C20orf203: variants seen among roughly 807,000 people sequenced by gnomAD.
C20orf203 encodes the protein uncharacterized protein C20orf203.
Under a neutral mutation model 15.9 loss-of-function variants are expected in C20orf203, and 16 were observed. The ratio of observed to expected loss-of-function variants is 1.01; its 90% CI spans 0.68 to 1.53. C20orf203 has a LOEUF of 1.53. Ranked by LOEUF, C20orf203 falls within the 40% of genes most tolerant of loss-of-function variation. C20orf203 has a pLI of 0.00. For synonymous variants in C20orf203, 98 were observed against 97.2 expected (o/e 1.01, Z -0.05); for missense variants, 263 against 247.5 (o/e 1.06, Z -0.42).
rs557969901 is a variant in C20orf203 at position 32,633,701 on chromosome 20, C to T, written c.*1869G>A. 1.4e-5 allele frequency: 4 copies of T among 279,850 alleles called. No homozygotes were observed. Among genetic ancestry groups the T allele is most frequent in the South Asian group, 1.7e-4 (1 of 5,934 alleles). 17.3% of individuals were successfully genotyped at this position (279,850 alleles called of 1,614,324 possible). On this transcript the variant is annotated 3_prime_UTR_variant, in exon 6 of 6. Transcript: ENST00000608990. ...GACAGGGGCTCCAGAGCCCATGACA[C>T]GTTTCCCTCTTGTAGAAGGTCCTTG...
intron 4 of C20orf203, among the ~76,000 whole-genome samples, chr20:32,642,244 C>T (rs1257059882): frequency 6.6e-6 from 1 of 152,200 alleles, no homozygotes; most frequent in Non-Finnish European, 1.5e-5. Flanking sequence ...TGCACACACC[C>T]CCATGGCATA....
rs1982035890 is a variant in C20orf203, at chr20:32,632,792, T to C, written c.*2778A>G. 1 of 152,078 alleles carries C rather than the reference T, an allele frequency of 6.6e-6. No homozygotes were observed. Among genetic ancestry groups the C allele is most frequent in the South Asian group, 2.1e-4 (1 of 4,812 alleles). 9.4% of individuals were successfully genotyped at this position (152,078 alleles called of 1,614,324 possible). A position where few individuals can be genotyped will look rare whatever the true frequency, so the allele number is the denominator to read the frequency against. ...AGGCAGGTGGTCCCTGTGTTAGAGA[T>C]GAGGAAACCAGGGTGACGGGATTAG... is the stretch of plus-strand genomic sequence containing the variant. On this transcript the variant is annotated 3_prime_UTR_variant, in exon 6 of 6. Transcript: ENST00000608990.
intron 1 of C20orf203, among the ~76,000 whole-genome samples, chr20:32,664,053 G>C (rs80132268): frequency 6.6e-6 from 1 of 152,322 alleles, no homozygotes; most frequent in East Asian, 1.9e-4. Flanking sequence ...GCTAGGGAGA[G>C]CTGGCCTTTG....
At chr20:32,655,193 T>TGTCTTG (rs780415363) in intron 1 of C20orf203, among the ~76,000 whole-genome samples, 63 of 152,306 alleles carry the variant, frequency 4.1e-4, no homozygotes, top group Non-Finnish European at 7.1e-4. Context: ...TAAATCTTCA[T>TGTCTTG]GACCTTGGAT....
At chr20:32,647,717 A>G (rs1982475333) in intron 4 of C20orf203, among the ~76,000 whole-genome samples, 1 of 152,142 alleles carries the variant, frequency 6.6e-6, no homozygotes, top group Admixed American at 6.5e-5. Context: ...AAAAAGTAAA[A>G]TGGAGAACTA....
At chr20:32,658,824 G>A (rs1488199840) in intron 1 of C20orf203, among the ~76,000 whole-genome samples, 1 of 151,902 alleles carries the variant, frequency 6.6e-6, no homozygotes, top group Admixed American at 6.6e-5. Flanking sequence ...TGGCGTCCAG[G>A]GCTGATTCAA....
rs1043433535 is a variant in C20orf203, at chr20:32,650,175, G to A, written c.*257C>T. ...CAGCAGCTGGACAGGACCAGAGCCT[G>A]CCCCGCATGTCCGGCCGGGGTTCTA... On this transcript the variant is annotated 3_prime_UTR_variant, in exon 4 of 6. Coordinates refer to ENST00000608990, the MANE Select transcript of C20orf203 (RefSeq NM_182584.4). The A allele has an allele frequency of 2.8e-5, 14 of 493,718 alleles. No homozygotes were observed. Among genetic ancestry groups the A allele is most frequent in the African/African-American group, 2.3e-4 (12 of 51,774 alleles). 30.6% of individuals were successfully genotyped at this position (493,718 alleles called of 1,614,324 possible).
At chr20:32,642,225 G>A (rs1247383744) in intron 4 of C20orf203, among the ~76,000 whole-genome samples, 1 of 152,156 alleles carries the variant, frequency 6.6e-6, no homozygotes, top group African/African-American at 2.4e-5. Context: ...ACTATCAAAT[G>A]GTGGACACTG....
intron 1 of C20orf203, among the ~76,000 whole-genome samples, chr20:32,671,962 T>G (rs887039588): frequency 6.6e-6 from 1 of 151,380 alleles, no homozygotes; most frequent in African/African-American, 2.4e-5. Context: ...CAGATAAAAA[T>G]GTCCGGAGGT....
At chr20:32,645,788 G>A (rs1241462421) in intron 4 of C20orf203, among the ~76,000 whole-genome samples, 1 of 152,226 alleles carries the variant, frequency 6.6e-6, no homozygotes, top group African/African-American at 2.4e-5. Flanking sequence ...CTTGCCCAAG[G>A]CCACACAGTG....
chr20:32,642,521 AC>A (rs1982313065), intron 4 of C20orf203, among the ~76,000 whole-genome samples: 1 of 152,244 alleles, frequency 6.6e-6, no homozygotes, highest in South Asian at 2.1e-4. Context: ...GCGAGAGGCC[AC>A]CAGGCAACTG....
intron 1 of C20orf203, among the ~76,000 whole-genome samples, chr20:32,661,289 TTC>T (rs1426946149): frequency 6.6e-6 from 1 of 152,164 alleles, no homozygotes; most frequent in Non-Finnish European, 1.5e-5. Flanking sequence ...CTCATCTCTG[TTC>T]TCACAAAGCT....
chr20:32,654,116 TA>T (rs1266043627), intron 1 of C20orf203, among the ~76,000 whole-genome samples: 3 of 149,398 alleles, frequency 2.0e-5, no homozygotes, highest in Non-Finnish European at 4.5e-5. Context: ...AAGAATCCAC[TA>T]AAAAAAAGTT....
intron 1 of C20orf203, among the ~76,000 whole-genome samples, chr20:32,666,466 CAA>C (rs754260668): frequency 1.7e-4 from 17 of 101,024 alleles, no homozygotes; most frequent in South Asian, 3.2e-4. Context: ...GACTCTGTCT[CAA>C]AAAAAAAAAA....
At chr20:32,656,131 G>A (rs909681698) in intron 1 of C20orf203, among the ~76,000 whole-genome samples, 1 of 152,232 alleles carries the variant, frequency 6.6e-6, no homozygotes, top group African/African-American at 2.4e-5. Context: ...GTCCTGTACA[G>A]CCTGTAGAAC....
chr20:32,648,249 C>G (rs1448460782), intron 4 of C20orf203, among the ~76,000 whole-genome samples: 1 of 151,998 alleles, frequency 6.6e-6, no homozygotes, highest in Admixed American at 6.6e-5. Flanking sequence ...TGCCTCCAGG[C>G]CTTTGCACTC....
intron 4 of C20orf203, among the ~76,000 whole-genome samples, chr20:32,648,988 C>T (rs572469352): frequency 1.4e-4 from 21 of 152,300 alleles, no homozygotes; most frequent in African/African-American, 5.1e-4. Flanking sequence ...AGCTGCCTCC[C>T]CCATGAGGAG....
chr20:32,648,695 G>A (rs959317675), intron 4 of C20orf203, among the ~76,000 whole-genome samples: 4 of 150,634 alleles, frequency 2.7e-5, no homozygotes, highest in African/African-American at 9.8e-5. Context: ...CTCGTGATCC[G>A]CCTGCCTCGG....
At chr20:32,654,637 G>T (rs187318864) in intron 1 of C20orf203, among the ~76,000 whole-genome samples, 106 of 152,126 alleles carry the variant, frequency 7.0e-4, no homozygotes, top group Non-Finnish European at 1.1e-3. Flanking sequence ...GAGTCCAGGA[G>T]TTTGAGACCA....
Sources: gnomAD v4.1 joint callset for allele counts (sites outside exome capture counted in the v4.1 genomes callset) on GRCh38, gnomAD v4.1.1 for gene constraint, MANE v1.5 for transcripts, NCBI Gene and HGNC (gene_info 2026-07-23, HGNC 2026-07-21) for gene names.